The following TEK variants were observed in gnomAD, a reference collection of about 807,000 sequenced individuals.
TEK encodes the protein angiopoietin-1 receptor.
TEK carries 43 observed loss-of-function variants against 131.8 expected under a neutral mutation model. That is an observed-to-expected ratio of 0.33 (90% CI 0.26 to 0.42). The LOEUF (loss-of-function observed/expected upper bound fraction) is 0.42, where lower values mean the gene tolerates loss of function less well. TEK is among the 10% of genes least tolerant of loss of function. The probability of loss-of-function intolerance (pLI) is 1.00; values close to 1 mark genes in which losing one functional copy is unlikely to be tolerated. For missense variants in TEK, 1,162 were observed against 1,384.4 expected, an observed-to-expected ratio of 0.84 and a Z score of 2.55; for synonymous variants, 580 against 491.6, an observed-to-expected ratio of 1.18 and a Z score of -2.38.
chr9:27,199,417 A>G (rs1485941170), intron 12 of TEK, among the ~76,000 whole-genome samples: 1 of 152,108 alleles, frequency 6.6e-6, no homozygotes, highest in African/African-American at 2.4e-5. Context: ...CTCATGGGCT[A>G]TTTCCCTCTA....
intron 13 of TEK, among the ~76,000 whole-genome samples, chr9:27,203,758 C>G (rs1825304544): frequency 1.3e-5 from 2 of 152,204 alleles, no homozygotes; most frequent in South Asian, 4.1e-4. Context: ...TCCCGGCTCT[C>G]TGTGTTGTGT....
chr9:27,174,264 CAA>C (rs1824080265), intron 6 of TEK, among the ~76,000 whole-genome samples: 1 of 152,180 alleles, frequency 6.6e-6, no homozygotes, highest in Non-Finnish European at 1.5e-5. Context: ...GTTTATCTCA[CAA>C]AGTCAGCTTT....
intron 1 of TEK, among the ~76,000 whole-genome samples, chr9:27,129,396 T>G (rs62542755): frequency 0.13 from 19,325 of 152,202 alleles, 1,534 homozygotes; most frequent in Middle Eastern, 0.26. Context: ...TCCTTTCCAG[T>G]TCCCAGCCTA....
chr9:27,208,039 T>A (rs1825462496), intron 15 of TEK, among the ~76,000 whole-genome samples: 1 of 152,152 alleles, frequency 6.6e-6, no homozygotes, highest in Admixed American at 6.5e-5. Flanking sequence ...ATTGTGAGCC[T>A]GATTTTCTAC....
At position 27,183,530 on chromosome 9, in the gene TEK, C is replaced by A; in HGVS notation, c.1102C>A (p.Pro368Thr). 1 of 1,613,898 alleles carries A rather than the reference C, an allele frequency of 6.2e-7. No individual in the cohort carries two copies. The highest frequency in any genetic ancestry group is 8.5e-7 in the Non-Finnish European group (1 of 1,179,860). Reference protein sequence around the residue: ...HIEVNSGKFNPICKASGWPLP... With the variant: ...HIEVNSGKFNTICKASGWPLP... ...AGAAGTAAACAGTGGTAAATTTAATCCCATTTGCAAAGCTTCTGGCTGGCC... is the reference window on the plus strand; with the variant it reads ...AGAAGTAAACAGTGGTAAATTTAATACCATTTGCAAAGCTTCTGGCTGGCC... The change falls in exon 8 of 23, where the codon CCC becomes ACC. Residue 368 changes from proline (P) to threonine (T), a missense_variant. Coordinates refer to ENST00000380036, the MANE Select transcript of TEK (RefSeq NM_000459.5).
At chr9:27,189,328 A>G (rs1824721083) in intron 9 of TEK, among the ~76,000 whole-genome samples, 1 of 152,136 alleles carries the variant, frequency 6.6e-6, no homozygotes, top group South Asian at 2.1e-4. Context: ...CTCTTTTAGA[A>G]ATTGTATTCC....
intron 6 of TEK, among the ~76,000 whole-genome samples, chr9:27,175,493 G>T (rs1160244330): frequency 6.6e-6 from 1 of 152,094 alleles, no homozygotes; most frequent in Non-Finnish European, 1.5e-5. Context: ...AATCCTTTGG[G>T]TATATACCCA....
chr9:27,143,439 C>G (rs1359441160), intron 1 of TEK, among the ~76,000 whole-genome samples: 2 of 152,044 alleles, frequency 1.3e-5, no homozygotes, highest in African/African-American at 2.4e-5. Flanking sequence ...GGGGGCACAC[C>G]TTGTCAGAAT....
At chr9:27,197,809 A>G (rs1825083697) in intron 12 of TEK, among the ~76,000 whole-genome samples, 1 of 152,194 alleles carries the variant, frequency 6.6e-6, no homozygotes, top group South Asian at 2.1e-4. Context: ...GGTCTGTGCT[A>G]AAATTTACCT....
chr9:27,118,659 G>A (rs1039361051), intron 1 of TEK, among the ~76,000 whole-genome samples: 1 of 152,084 alleles, frequency 6.6e-6, no homozygotes, highest in Non-Finnish European at 1.5e-5. Flanking sequence ...GGAAAATGGC[G>A]GCCATCCATT....
intron 12 of TEK, among the ~76,000 whole-genome samples, chr9:27,199,069 G>A (rs979196870): frequency 1.3e-5 from 2 of 152,182 alleles, no homozygotes; most frequent in Middle Eastern, 3.2e-3. Context: ...CAAAGTGCTG[G>A]AATTACAGGC....
chr9:27,209,253 T>C, intron 16 of TEK, 22 bp downstream of exon 16: 1 of 1,527,044 alleles, frequency 6.5e-7, no homozygotes, highest in Non-Finnish European at 9.1e-7. Context: ...TTTTCCTGTC[T>C]TTCCTGCCAG....
chr9:27,112,787 A>G (rs767893644), intron 1 of TEK, among the ~76,000 whole-genome samples: 9 of 152,222 alleles, frequency 5.9e-5, no homozygotes, highest in Non-Finnish European at 1.3e-4. Flanking sequence ...AAACCAAAAC[A>G]AAAAGATACC....
At chr9:27,113,465 G>C (rs111811931) in intron 1 of TEK, among the ~76,000 whole-genome samples, 3 of 152,260 alleles carry the variant, frequency 2.0e-5, no homozygotes, top group African/African-American at 7.2e-5. Flanking sequence ...GTGTGTGCCC[G>C]TAGTCCTAGC....
chr9:27,209,954 C>G (rs930411036), intron 16 of TEK, among the ~76,000 whole-genome samples: 6 of 152,206 alleles, frequency 3.9e-5, no homozygotes, highest in Non-Finnish European at 5.9e-5. Flanking sequence ...TTAAACTTCA[C>G]TTCTCGTGGA....
intron 1 of TEK, among the ~76,000 whole-genome samples, chr9:27,121,647 G>A (rs534032099): frequency 6.6e-6 from 1 of 151,964 alleles, no homozygotes; most frequent in Non-Finnish European, 1.5e-5. Flanking sequence ...TATCAGTCAT[G>A]TGATTTCATG....
chr9:27,212,660 G>C (rs773130038), intron 16 of TEK, 47 bp from the exon 17 acceptor site: 9 of 1,600,096 alleles, frequency 5.6e-6, no homozygotes, highest in African/African-American at 1.3e-5. Context: ...AAATGTCATA[G>C]CTGTTCAGGG....
intron 12 of TEK, among the ~76,000 whole-genome samples, chr9:27,201,813 A>G (rs1054579699): frequency 1.4e-4 from 21 of 152,202 alleles, no homozygotes; most frequent in South Asian, 4.1e-4. Context: ...GCCTATGTCT[A>G]CTATTCGCCT....
intron 9 of TEK, among the ~76,000 whole-genome samples, chr9:27,188,816 C>G (rs1280407672): frequency 1.3e-5 from 2 of 152,130 alleles, no homozygotes; most frequent in Non-Finnish European, 2.9e-5. Context: ...TACATTCCCA[C>G]AGGGAGATAA....
Sources: allele counts gnomAD v4.1 joint callset (sites outside exome capture counted in the v4.1 genomes callset), GRCh38; gene constraint gnomAD v4.1.1; transcripts MANE v1.5; gene names NCBI Gene and HGNC (gene_info 2026-07-23, HGNC 2026-07-21).